The following MRPS9 variants were observed in gnomAD, a reference collection of about 807,000 sequenced individuals.
MRPS9 encodes mitochondrial ribosomal protein S9.
Under a neutral mutation model 59.9 loss-of-function variants are expected in MRPS9, and 45 were observed. That is an observed-to-expected ratio of 0.75 (90% CI 0.59 to 0.96). MRPS9 has a LOEUF of 0.96. Ranked by LOEUF, MRPS9 falls within the 40% of genes least tolerant of loss-of-function variation. The pLI is 0.00. For missense variants in MRPS9, 473 were observed against 481.1 expected, an observed-to-expected ratio of 0.98 and a Z score of 0.16; for synonymous variants, 171 against 166.8, an observed-to-expected ratio of 1.03 and a Z score of -0.19.
In MRPS9 at chr2:105,049,368, G is replaced by T. The variant is rs764451399; in HGVS notation, c.315+18G>T. 1.3e-6 allele frequency: 2 copies of T among 1,589,046 alleles called. No homozygotes were observed. The highest frequency in any genetic ancestry group is 1.7e-6 in the Non-Finnish European group (2 of 1,171,126). ...ATATTGACGTAAGTACAGTTACTCT[G>T]TTGAAAAAGTAATTGCTGTAGAGTT... On this transcript the variant is annotated intron_variant, in intron 2 of 10. Transcript: ENST00000258455.
intron 2 of MRPS9, among the ~76,000 whole-genome samples, chr2:105,057,963 C>T (rs1167642586): frequency 6.6e-6 from 1 of 152,190 alleles, no homozygotes; most frequent in Admixed American, 6.5e-5. Flanking sequence ...ATATATAGCA[C>T]TCCTGAAGTC....
intron 5 of MRPS9, among the ~76,000 whole-genome samples, chr2:105,080,525 A>G (rs1001822313): frequency 6.6e-6 from 1 of 152,224 alleles, no homozygotes; most frequent in Non-Finnish European, 1.5e-5. Context: ...GGGCCCCAAA[A>G]CAACCTAAGA....
chr2:105,068,938 T>A (rs2104453076), intron 2 of MRPS9, among the ~76,000 whole-genome samples: 1 of 152,312 alleles, frequency 6.6e-6, no homozygotes, highest in South Asian at 2.1e-4. Flanking sequence ...TAGGGGTGTA[T>A]CTTCTGGGTA....
intron 5 of MRPS9, among the ~76,000 whole-genome samples, chr2:105,085,638 C>A (rs1473159208): frequency 6.6e-6 from 1 of 152,084 alleles, no homozygotes; most frequent in Non-Finnish European, 1.5e-5. Context: ...AAATTAGGCA[C>A]CTTCTAAATT....
chr2:105,078,801 A>C (rs1680266737), intron 4 of MRPS9, among the ~76,000 whole-genome samples: 2 of 152,364 alleles, frequency 1.3e-5, no homozygotes, highest in Non-Finnish European at 2.9e-5. Flanking sequence ...TCTGCCTCAC[A>C]AACATAAATT....
chr2:105,085,053 G>A (rs1311093759), intron 5 of MRPS9, among the ~76,000 whole-genome samples: 1 of 152,154 alleles, frequency 6.6e-6, no homozygotes, highest in African/African-American at 2.4e-5. Flanking sequence ...ACTCCTGGGT[G>A]TGGACTTCCC....
At chr2:105,045,821 G>A (rs1196947538) in intron 1 of MRPS9, among the ~76,000 whole-genome samples, 1 of 151,980 alleles carries the variant, frequency 6.6e-6, no homozygotes, top group Non-Finnish European at 1.5e-5. Context: ...TGGCTCACTA[G>A]TAATGAGAAT....
chr2:105,049,447 A>C, intron 2 of MRPS9, 97 bp downstream of exon 2: 1 of 1,043,414 alleles, frequency 9.6e-7, no homozygotes. Flanking sequence ...TGTTTTAATC[A>C]AGCTGTCAGA....
chr2:105,042,382 G>A (rs549986955), intron 1 of MRPS9, among the ~76,000 whole-genome samples: 32 of 152,362 alleles, frequency 2.1e-4, no homozygotes, highest in Admixed American at 7.2e-4. Context: ...GGGCCTCTAG[G>A]GCAACTCAGC....
At chr2:105,055,678 G>A (rs979035770) in intron 2 of MRPS9, among the ~76,000 whole-genome samples, 2 of 152,188 alleles carry the variant, frequency 1.3e-5, no homozygotes, top group African/African-American at 4.8e-5. Flanking sequence ...AGGACAGACA[G>A]TGACAACCGT....
chr2:105,075,605 A>T (rs1680193464), intron 4 of MRPS9, among the ~76,000 whole-genome samples: 1 of 152,178 alleles, frequency 6.6e-6, no homozygotes, highest in Non-Finnish European at 1.5e-5. Flanking sequence ...TCTGGACATA[A>T]ATTTCATGAA....
chr2:105,040,243 A>G (rs1222748653), intron 1 of MRPS9, among the ~76,000 whole-genome samples: 1 of 152,080 alleles, frequency 6.6e-6, no homozygotes, highest in Non-Finnish European at 1.5e-5. Context: ...TAATAGATAG[A>G]TTTCTCTTGG....
chr2:105,090,501 G>A (rs193048146), intron 7 of MRPS9, among the ~76,000 whole-genome samples: 117 of 146,470 alleles, frequency 8.0e-4, no homozygotes, highest in African/African-American at 2.6e-3. Context: ...TGAAATGCTG[G>A]TTACAAACTA....
chr2:105,089,044 C>A lies in MRPS9; in HGVS notation c.550C>A (p.Leu184Met). The change falls in exon 6 of 11, where the codon CTG becomes ATG. Residue 184 changes from leucine (L) to methionine (M), a missense_variant. Physicochemically the swap from Leu to Met is conservative, Grantham distance 15. Coordinates refer to ENST00000258455, the MANE Select transcript of MRPS9 (RefSeq NM_182640.3). ...KHQSHLQAKS[L>M]LPEKTVTRDV... ...TCAAAGTCACTTGCAAGCCAAAAGTCTGCTCCCAGAAAAAACTGTAACCAG... is the reference window on the plus strand; with the variant it reads ...TCAAAGTCACTTGCAAGCCAAAAGTATGCTCCCAGAAAAAACTGTAACCAG... The A allele has an allele frequency of 6.2e-7, 1 of 1,611,300 alleles. No individual in the cohort carries two copies. Among genetic ancestry groups the A allele is most frequent in the Non-Finnish European group, 8.5e-7 (1 of 1,178,412 alleles).
At chr2:105,068,339 A>G (rs755053040) in intron 2 of MRPS9, among the ~76,000 whole-genome samples, 3 of 152,192 alleles carry the variant, frequency 2.0e-5, no homozygotes, top group Non-Finnish European at 2.9e-5. Context: ...TAAAATTAAT[A>G]TATTTACTTA....
intron 2 of MRPS9, among the ~76,000 whole-genome samples, chr2:105,050,112 A>G (rs1453800437): frequency 6.6e-6 from 1 of 151,824 alleles, no homozygotes; most frequent in Admixed American, 6.6e-5. Context: ...AACATTTTTT[A>G]TTCAACCAGA....
chr2:105,070,731 G>A (rs1326292046), intron 2 of MRPS9, among the ~76,000 whole-genome samples: 1 of 152,152 alleles, frequency 6.6e-6, no homozygotes, highest in Non-Finnish European at 1.5e-5. Context: ...CTGGAAAAAA[G>A]CCAGGAATAC....
intron 5 of MRPS9, among the ~76,000 whole-genome samples, chr2:105,087,355 G>T (rs914780046): frequency 1.3e-5 from 2 of 152,118 alleles, no homozygotes; most frequent in African/African-American, 4.8e-5. Flanking sequence ...CTCTGCTATT[G>T]TGTTGAACTA....
chr2:105,093,068 T>A (rs1157236392), intron 8 of MRPS9, among the ~76,000 whole-genome samples: 3 of 152,338 alleles, frequency 2.0e-5, no homozygotes, highest in African/African-American at 7.2e-5. Flanking sequence ...GTCATTGTCA[T>A]TTTTAACTAC....
Sources: allele counts gnomAD v4.1 joint callset (sites outside exome capture counted in the v4.1 genomes callset), GRCh38; gene constraint gnomAD v4.1.1; transcripts MANE v1.5; gene names NCBI Gene and HGNC (gene_info 2026-07-23, HGNC 2026-07-21).